HMGCLL1: variants seen among roughly 807,000 people sequenced by gnomAD.
HMGCLL1 encodes the protein 3-hydroxy-3-methylglutaryl-CoA lyase like 1.
HMGCLL1 carries 36 observed loss-of-function variants against 39.1 expected under a neutral mutation model. The observed-to-expected ratio is 0.92, with a 90% confidence interval of 0.71 to 1.22. The LOEUF (loss-of-function observed/expected upper bound fraction) is 1.22. Among genes scored for constraint, HMGCLL1 ranks in the 50% most tolerant of loss-of-function variants. The pLI is 0.00. For synonymous variants in HMGCLL1, 149 were observed against 144.0 expected, an observed-to-expected ratio of 1.03 and a Z score of -0.25; for missense variants, 451 against 416.5, an observed-to-expected ratio of 1.08 and a Z score of -0.72.
At chr6:55,542,919 ATTG>A (rs1411736325) in intron 1 of HMGCLL1, among the ~76,000 whole-genome samples, 26 of 128,676 alleles carry the variant, frequency 2.0e-4, no homozygotes, top group South Asian at 9.1e-4. Context: ...TTGTTATTAG[ATTG>A]TTATTATATT....
intron 1 of HMGCLL1, among the ~76,000 whole-genome samples, chr6:55,564,745 G>A (rs1045891202): frequency 6.6e-6 from 1 of 151,448 alleles, no homozygotes; most frequent in African/African-American, 2.4e-5. Context: ...AAAGAACTAA[G>A]AAAGGATGCA....
At chr6:55,617,207 T>C in the HMGCLL1 span, among the ~76,000 whole-genome samples, 1,504 of 152,212 alleles carry the variant, frequency 9.9e-3, 26 homozygotes, top group African/African-American at 0.023. Flanking sequence ...ACTCATGATG[T>C]CCTGTCTTGC....
intron 1 of HMGCLL1, among the ~76,000 whole-genome samples, chr6:55,559,143 T>C (rs556753969): frequency 3.6e-4 from 55 of 152,272 alleles, no homozygotes; most frequent in African/African-American, 1.2e-3. Flanking sequence ...AGGAGAGTTA[T>C]TGAAATTAAA....
At chr6:55,589,357 T>A in the HMGCLL1 span, among the ~76,000 whole-genome samples, 49 of 152,212 alleles carry the variant, frequency 3.2e-4, no homozygotes, top group Admixed American at 2.4e-3. Flanking sequence ...CAACAACGCT[T>A]CATGCTAAAA....
chr6:55,646,622 C>G, the HMGCLL1 span, among the ~76,000 whole-genome samples: 2 of 151,988 alleles, frequency 1.3e-5, no homozygotes, highest in African/African-American at 4.8e-5. Flanking sequence ...AGAAATTTTT[C>G]AATTTCCTTC....
chr6:55,520,663 A>G (rs896619054), intron 3 of HMGCLL1, among the ~76,000 whole-genome samples: 3 of 152,170 alleles, frequency 2.0e-5, no homozygotes, highest in South Asian at 4.1e-4. Flanking sequence ...TCTAAAGTTT[A>G]TAATTTAAAC....
chr6:55,619,654 T>C, the HMGCLL1 span, among the ~76,000 whole-genome samples: 1 of 152,080 alleles, frequency 6.6e-6, no homozygotes. Context: ...TCAGGGAAAA[T>C]AGGGTACTTA....
At chr6:55,446,568 C>T (rs1204731564) in intron 7 of HMGCLL1, among the ~76,000 whole-genome samples, 1 of 151,656 alleles carries the variant, frequency 6.6e-6, no homozygotes, top group African/African-American at 2.4e-5. Flanking sequence ...GAGCAAATTG[C>T]CTGTAGATAT....
chr6:55,445,102 T>G (rs1217540821), intron 7 of HMGCLL1, among the ~76,000 whole-genome samples: 1 of 152,052 alleles, frequency 6.6e-6, no homozygotes, highest in East Asian at 1.9e-4. Context: ...AAGGAGAATA[T>G]TAAGGCATCA....
chr6:55,654,888 C>T, the HMGCLL1 span, among the ~76,000 whole-genome samples: 3 of 151,856 alleles, frequency 2.0e-5, no homozygotes, highest in Non-Finnish European at 4.4e-5. Flanking sequence ...TCCTCATAAC[C>T]TTAAATGAGG....
At chr6:55,650,562 C>T in the HMGCLL1 span, among the ~76,000 whole-genome samples, 1 of 151,936 alleles carries the variant, frequency 6.6e-6, no homozygotes, top group Non-Finnish European at 1.5e-5. Flanking sequence ...AGGTGCACTT[C>T]GTCTAACATG....
At chr6:55,563,863 A>C (rs1771084418) in intron 1 of HMGCLL1, 1 of 1,287,824 alleles carries the variant, frequency 7.8e-7, no homozygotes, top group Admixed American at 2.3e-5. Flanking sequence ...GATGGGGATC[A>C]GGGCTTCCTG....
At chr6:55,536,068 C>T (rs1255483088) in intron 3 of HMGCLL1, among the ~76,000 whole-genome samples, 1 of 152,096 alleles carries the variant, frequency 6.6e-6, no homozygotes, top group African/African-American at 2.4e-5. Flanking sequence ...GTCTTCAGTG[C>T]CAATAAAGAG....
At chr6:55,665,593 A>T in the HMGCLL1 span, among the ~76,000 whole-genome samples, 1 of 151,698 alleles carries the variant, frequency 6.6e-6, no homozygotes, top group Non-Finnish European at 1.5e-5. Context: ...ACAACTGTCC[A>T]GCTGTTGAAA....
chr6:55,627,909 C>CTATATATATAAAA, the HMGCLL1 span, among the ~76,000 whole-genome samples: 1 of 2,176 alleles, frequency 4.6e-4, no homozygotes, highest in African/African-American at 2.2e-3. Context: ...AGTATATATA[C>CTATATATATAAAA]TATATATATA....
intron 7 of HMGCLL1, among the ~76,000 whole-genome samples, chr6:55,481,100 G>C (rs561101603): frequency 1.3e-5 from 2 of 152,262 alleles, no homozygotes; most frequent in East Asian, 1.9e-4. Flanking sequence ...TTTATTGCAG[G>C]CTGGGCACAG....
chr6:55,473,122 C>T (rs1035101532), intron 7 of HMGCLL1, among the ~76,000 whole-genome samples: 1 of 151,266 alleles, frequency 6.6e-6, no homozygotes, highest in African/African-American at 2.4e-5. Context: ...TTACTTTTAA[C>T]ATACCTGAGT....
intron 7 of HMGCLL1, among the ~76,000 whole-genome samples, chr6:55,482,920 T>C (rs531196993): frequency 3.9e-5 from 6 of 152,140 alleles, no homozygotes; most frequent in African/African-American, 1.2e-4. Context: ...AAGAATGTTA[T>C]GAAAAATTTG....
At position 55,514,934 on chromosome 6, in the gene HMGCLL1, C is replaced by T. The variant is rs1220629449; in HGVS notation, c.394-738G>A. Reference sequence around the variant, plus strand: ...GTATTTCTAGCACTTTGCCTACGTTCTCCCCTCTTGCTAATCCCCCATTAA... The same window carrying T: ...GTATTTCTAGCACTTTGCCTACGTTTTCCCCTCTTGCTAATCCCCCATTAA... On this transcript the variant is annotated intron_variant, in intron 4 of 8. Coordinates refer to ENST00000274901, the MANE Select transcript of HMGCLL1 (RefSeq NM_001042406.2). Among the ~76,000 whole-genome samples the T allele has an allele frequency of 3.3e-5, 5 of 152,126 alleles. No homozygotes were observed. In the East Asian group the frequency reaches 9.6e-4, roughly 29 times the overall value.
Sources: gnomAD v4.1 joint callset for allele counts (sites outside exome capture counted in the v4.1 genomes callset) on GRCh38, gnomAD v4.1.1 for gene constraint, MANE v1.5 for transcripts, NCBI Gene and HGNC (gene_info 2026-07-23, HGNC 2026-07-21) for gene names.